The following STAC variants were observed in gnomAD, a reference collection of about 807,000 sequenced individuals.
The protein encoded by STAC is SH3 and cysteine rich domain.
A neutral mutation model predicts 48.8 loss-of-function variants in STAC; 43 were observed. The ratio of observed to expected loss-of-function variants is 0.88; its 90% CI spans 0.69 to 1.14. The LOEUF is 1.14. Among genes scored for constraint, STAC ranks in the 50% most tolerant of loss-of-function variants. The pLI is 0.00. For synonymous variants in STAC, 193 were observed against 179.5 expected (o/e 1.07, Z -0.60); for missense variants, 497 against 504.0 (o/e 0.99, Z 0.13).
At chr3:36,463,384 G>A (rs116193744) in intron 2 of STAC, among the ~76,000 whole-genome samples, 303 of 152,074 alleles carry the variant, frequency 2.0e-3, no homozygotes, top group African/African-American at 7.1e-3. Flanking sequence ...TATTGGAGCC[G>A]GGCTTTGAAT....
At chr3:36,449,875 C>G (rs1696631459) in intron 2 of STAC, among the ~76,000 whole-genome samples, 1 of 152,204 alleles carries the variant, frequency 6.6e-6, no homozygotes, top group Admixed American at 6.5e-5. Flanking sequence ...AGTGAGGAGG[C>G]CTGCTCTTGT....
At chr3:36,542,903 G>A (rs1192296883) in intron 10 of STAC, among the ~76,000 whole-genome samples, 6 of 152,046 alleles carry the variant, frequency 3.9e-5, no homozygotes, top group Admixed American at 3.9e-4. Flanking sequence ...ACACATAGTA[G>A]GTACTCAATA....
intron 1 of STAC, among the ~76,000 whole-genome samples, chr3:36,441,771 G>C (rs1264230720): frequency 1.3e-5 from 2 of 152,278 alleles, no homozygotes; most frequent in Non-Finnish European, 1.5e-5. Flanking sequence ...TTTGATAACA[G>C]CCATTGTAAC....
chr3:36,389,794 A>C (rs1699710591), intron 1 of STAC, among the ~76,000 whole-genome samples: 2 of 152,146 alleles, frequency 1.3e-5, no homozygotes, highest in Admixed American at 1.3e-4. Context: ...CTTCCCAGAG[A>C]TTCACTGTGC....
chr3:36,451,475 GAAT>G (rs1696678823), intron 2 of STAC, among the ~76,000 whole-genome samples: 1 of 150,582 alleles, frequency 6.6e-6, no homozygotes, highest in African/African-American at 2.5e-5. Flanking sequence ...TTTTGATTGA[GAAT>G]AAATCTTAAG....
intron 1 of STAC, among the ~76,000 whole-genome samples, chr3:36,436,420 T>C (rs1413024543): frequency 6.6e-6 from 1 of 152,174 alleles, no homozygotes; most frequent in Non-Finnish European, 1.5e-5. Flanking sequence ...GCCCATGCCA[T>C]GACCTACAAG....
chr3:36,440,164 G>A (rs1468942805), intron 1 of STAC, among the ~76,000 whole-genome samples: 3 of 152,170 alleles, frequency 2.0e-5, no homozygotes, highest in African/African-American at 4.8e-5. Flanking sequence ...TCCCTGAAGT[G>A]GACAGCTGGC....
Position 36,443,724 on chromosome 3 carries a change from C to T in STAC, c.388+84C>T, listed in dbSNP as rs533877693. The T allele has an allele frequency of 6.0e-5, 91 of 1,514,434 alleles. No individual in the cohort carries two copies. Among genetic ancestry groups the T allele is most frequent in the Admixed American group, 7.1e-5 (4 of 56,404 alleles). 93.8% of individuals were successfully genotyped at this position (1,514,434 alleles called of 1,614,324 possible). A position where few individuals can be genotyped will look rare whatever the true frequency, so the allele number is the denominator to read the frequency against. The stretch of plus-strand genomic sequence containing the variant: ...GGTGTGCCACGGGTCCAGGTACCTA[C>T]GGACAGATGCTAGGCCTCAGAGATT... On this transcript the variant is annotated intron_variant, in intron 2 of 10. Transcript: ENST00000273183. This position sits in a 1 kb window ranked among gnomAD's most constrained non-coding sequence, Gnocchi z 4.2.
chr3:36,463,986 C>T (rs1483235711), intron 2 of STAC, among the ~76,000 whole-genome samples: 9 of 152,042 alleles, frequency 5.9e-5, no homozygotes, highest in African/African-American at 2.2e-4. Context: ...CATACGTGTG[C>T]ATGTGTCTTT....
intron 8 of STAC, among the ~76,000 whole-genome samples, chr3:36,511,226 C>G (rs1349404944): frequency 6.6e-6 from 1 of 152,148 alleles, no homozygotes; most frequent in Admixed American, 6.5e-5. Flanking sequence ...ATAAACATCT[C>G]ATTTCTCTGA....
chr3:36,501,133 T>C (rs976641813), intron 6 of STAC, among the ~76,000 whole-genome samples: 11 of 152,052 alleles, frequency 7.2e-5, no homozygotes, highest in African/African-American at 2.2e-4. Context: ...AAGGGATTCA[T>C]AATAAAGACT....
intron 10 of STAC, among the ~76,000 whole-genome samples, chr3:36,532,280 GT>G (rs1699090849): frequency 6.6e-6 from 1 of 152,126 alleles, no homozygotes; most frequent in South Asian, 2.1e-4. Context: ...TTTCACCCTG[GT>G]TTTACAGTTT....
chr3:36,539,609 T>G (rs1699276658), intron 10 of STAC, among the ~76,000 whole-genome samples: 1 of 152,142 alleles, frequency 6.6e-6, no homozygotes, highest in African/African-American at 2.4e-5. Flanking sequence ...TATATTTTCT[T>G]TATCCAGTCT....
At chr3:36,486,068 G>A (rs1489531091) in intron 4 of STAC, 66 bp from the exon 5 acceptor site, 3 of 1,210,786 alleles carry the variant, frequency 2.5e-6, no homozygotes, top group East Asian at 4.7e-5. Context: ...CCCAGGAGAT[G>A]TGGTAGGCAG....
At chr3:36,422,173 T>A (rs1700465480) in intron 1 of STAC, among the ~76,000 whole-genome samples, 2 of 152,146 alleles carry the variant, frequency 1.3e-5, no homozygotes, top group African/African-American at 4.8e-5. Context: ...TGCCTAAATA[T>A]AGTGAGAAAA....
intron 8 of STAC, among the ~76,000 whole-genome samples, chr3:36,526,805 A>G (rs976156254): frequency 1.3e-5 from 2 of 152,206 alleles, no homozygotes; most frequent in African/African-American, 4.8e-5. Context: ...CTGTGTTGAG[A>G]TAACTCTGGA....
In STAC at chr3:36,398,347, G is replaced by GAAAA. The variant is rs1271275535; in HGVS notation, c.111+17596_111+17597insAAAA. On this transcript the variant is annotated intron_variant, in intron 1 of 10. Coordinates refer to ENST00000273183, the MANE Select transcript of STAC (RefSeq NM_003149.3). Reference sequence around the variant, plus strand: ...AGAAAGAAAGAAAGAAAGAAAGAAAGAAAGAAAGAAAGAAAGAAAGAAAAG... The same window carrying GAAAA: ...AGAAAGAAAGAAAGAAAGAAAGAAAGAAAAAAAGAAAGAAAGAAAGAAAGAAAAG... Among the ~76,000 whole-genome samples the GAAAA allele has an allele frequency of 2.4e-3, 321 of 131,028 alleles. 8 individuals are homozygous for GAAAA. Among genetic ancestry groups the GAAAA allele is most frequent in the Middle Eastern group, 4.1e-3 (1 of 242 alleles). 86.0% of individuals were successfully genotyped at this position (131,028 alleles called of 152,430 possible).
At chr3:36,424,790 G>A (rs1169233069) in intron 1 of STAC, among the ~76,000 whole-genome samples, 2 of 151,924 alleles carry the variant, frequency 1.3e-5, no homozygotes, top group Non-Finnish European at 2.9e-5. Flanking sequence ...GACAATTTGA[G>A]CAACAAAATA....
Position 36,546,258 on chromosome 3 carries a change from T to C in STAC, c.1178T>C (p.Leu393Pro). Reference protein sequence around the residue: ...IRVLSGKKKGLIPLDVLENI With the variant: ...IRVLSGKKKGPIPLDVLENI ...GTCCTCAGTGGAAAAAAGAAAGGCC[T>C]CATCCCCCTTGATGTACTAGAAAAC... The change falls in exon 11 of 11, where the codon CTC becomes CCC. Residue 393 changes from leucine to proline, a missense_variant. By Grantham distance (98) the Leu-to-Pro change is moderately conservative. Coordinates refer to ENST00000273183, the MANE Select transcript of STAC (RefSeq NM_003149.3). 1 of 1,614,052 alleles carries C rather than the reference T, an allele frequency of 6.2e-7. No homozygotes were observed. The highest frequency in any genetic ancestry group is 8.5e-7 in the Non-Finnish European group (1 of 1,179,946).
Sources: gnomAD v4.1 joint callset for allele counts (sites outside exome capture counted in the v4.1 genomes callset) on GRCh38, gnomAD v4.1.1 for gene constraint, Gnocchi (gnomAD v3.1) non-coding constraint, MANE v1.5 for transcripts, NCBI Gene and HGNC (gene_info 2026-07-23, HGNC 2026-07-21) for gene names.